TTC24: variants seen among roughly 807,000 people sequenced by gnomAD.
The protein encoded by TTC24 is tetratricopeptide repeat domain 24, also known as tetratricopeptide repeat protein 24.
In TTC24, 54 loss-of-function variants were observed where a neutral mutation model predicts 63.3. The observed-to-expected ratio is 0.85, with a 90% CI of 0.69 to 1.07. The LOEUF (loss-of-function observed/expected upper bound fraction) is 1.07. Ranked by LOEUF, TTC24 falls within the 50% of genes least tolerant of loss-of-function variation. The pLI is 0.00. For missense variants in TTC24, 680 were observed against 730.5 expected (o/e 0.93, Z 0.80); for synonymous variants, 276 against 304.3 (o/e 0.91, Z 0.97).
At chr1:156,586,113 G>A in intron 10 of TTC24, 68 bp downstream of exon 10, 1 of 1,162,978 alleles carries the variant, frequency 8.6e-7, no homozygotes, top group South Asian at 1.3e-5. Context: ...GGCTTGGGAT[G>A]ATTTTAATGA....
intron 8 of TTC24, chr1:156,585,477 C>T: frequency 1.7e-6 from 1 of 603,422 alleles, no homozygotes; most frequent in South Asian, 2.0e-5. Context: ...TCCCTGAACC[C>T]TTCTAGAACT....
At chr1:156,582,816 AC>A (rs1424753838) in intron 3 of TTC24, among the ~76,000 whole-genome samples, 1 of 152,170 alleles carries the variant, frequency 6.6e-6, no homozygotes, top group African/African-American at 2.4e-5. Context: ...TGCCTGCATC[AC>A]AGGGTTGTTG....
rs186480216 is a variant in TTC24, at chr1:156,580,875, G to A, written c.-4-486G>A. 7.2e-5 allele frequency among the ~76,000 whole-genome samples: 11 copies of A among 152,340 alleles called. No individual in the cohort carries two copies. In the East Asian group the frequency reaches 1.7e-3, roughly 24 times the overall value. On this transcript the variant is annotated intron_variant, in intron 1 of 10. Coordinates refer to ENST00000368236, the MANE Select transcript of TTC24 (RefSeq NM_001105669.4). ...AAAATGTGCAGTTCAGTGGCATTAA[G>A]TACACTCACATTATTGTGCAATTAA... is the stretch of plus-strand genomic sequence containing the variant.
chr1:156,583,874 G>A lies in TTC24; in HGVS notation c.1230G>A (p.Gly410=). ...DTVRTRLAQV[G]LVQTHTLTSA... ...TGAGGACGCGCTTGGCCCAGGTGGG[G>A]CTGGTCCAGACTCACACCCTGGTGA... is the stretch of plus-strand genomic sequence containing the variant. The change falls in exon 6 of 11, where the codon GGG becomes GGA. Residue 410 remains glycine (G), a synonymous_variant. Transcript: ENST00000368236. The surrounding 1 kb of genome is among the most constrained non-coding windows in gnomAD (Gnocchi z 4.0). 2 of 1,582,538 alleles carry A rather than the reference G, an allele frequency of 1.3e-6. No homozygotes were observed. Among genetic ancestry groups the A allele is most frequent in the Non-Finnish European group, 1.7e-6 (2 of 1,164,942 alleles).
chr1:156,586,084 C>A (rs544846134), intron 10 of TTC24, 39 bp downstream of exon 10: 3 of 1,356,088 alleles, frequency 2.2e-6, no homozygotes, highest in East Asian at 2.5e-5. Context: ...TGGAGAATAG[C>A]AAAAAAAGTA....
chr1:156,581,125 T>C (rs1676979032), intron 1 of TTC24, among the ~76,000 whole-genome samples: 1 of 152,218 alleles, frequency 6.6e-6, no homozygotes. Flanking sequence ...CGTTCTGAAG[T>C]AAGCTGTTAC....
chr1:156,580,218 C>T (rs1242125741), intron 1 of TTC24, among the ~76,000 whole-genome samples: 1 of 152,158 alleles, frequency 6.6e-6, no homozygotes, highest in Non-Finnish European at 1.5e-5. Context: ...TCCCACACCA[C>T]ACTCCTTTTC....
Position 156,582,082 on chromosome 1 carries a change from G to C in TTC24, c.706+12G>C. 2 of 1,464,128 alleles carry C rather than the reference G, an allele frequency of 1.4e-6. No homozygotes were observed. Among genetic ancestry groups the C allele is most frequent in the Non-Finnish European group, 1.8e-6 (2 of 1,106,964 alleles). 90.7% of individuals were successfully genotyped at this position (1,464,128 alleles called of 1,614,324 possible). Reference sequence around the variant, plus strand: ...GAGGCGACTGCTGGGTGAGACCTTCGGGCAGGGAAGGCATGGGATCTGGGG... The same window carrying C: ...GAGGCGACTGCTGGGTGAGACCTTCCGGCAGGGAAGGCATGGGATCTGGGG... On this transcript the variant is annotated intron_variant, in intron 2 of 10. Coordinates refer to ENST00000368236, the MANE Select transcript of TTC24 (RefSeq NM_001105669.4).
At chr1:156,580,286 T>G (rs925394341) in intron 1 of TTC24, among the ~76,000 whole-genome samples, 2 of 152,128 alleles carry the variant, frequency 1.3e-5, no homozygotes, top group Non-Finnish European at 2.9e-5. Context: ...CTCCTCACCC[T>G]AGGGTCCCCA....
chr1:156,583,776 T>C lies in TTC24; in HGVS notation c.1153-21T>C. On this transcript the variant is annotated intron_variant, in intron 5 of 10. Coordinates refer to ENST00000368236, the MANE Select transcript of TTC24 (RefSeq NM_001105669.4). The surrounding 1 kb of genome is among the most constrained non-coding windows in gnomAD (Gnocchi z 4.0). ...AAGGTCCAGGCATTCCCCATTACCC[T>C]ATTATCCACCCTCTTCCCAGAAGGA... The C allele has an allele frequency of 6.6e-7, 1 of 1,505,042 alleles. No homozygotes were observed. The highest frequency in any genetic ancestry group is 1.4e-5 in the African/African-American group (1 of 70,014). 93.2% of individuals were successfully genotyped at this position (1,505,042 alleles called of 1,614,324 possible). A position where few individuals can be genotyped will look rare whatever the true frequency, so the allele number is the denominator to read the frequency against.
Position 156,583,160 on chromosome 1 carries a change from C to G in TTC24, c.1029C>G (p.Ala343=). ...RDNYLHALQA[A]RDSGDMKGQW... is the part of the protein sequence containing the mutation. Reference sequence around the variant, plus strand: ...ACTACCTGCATGCCCTGCAGGCTGCCCGGGACTCTGGTAAGCGTGAGAGGG... The same window carrying G: ...ACTACCTGCATGCCCTGCAGGCTGCGCGGGACTCTGGTAAGCGTGAGAGGG... Residue 343 remains alanine (A), a synonymous_variant, in exon 4 of 11, where the codon GCC becomes GCG. Coordinates refer to ENST00000368236, the MANE Select transcript of TTC24 (RefSeq NM_001105669.4). The surrounding 1 kb of genome is among the most constrained non-coding windows in gnomAD (Gnocchi z 4.0). The G allele has an allele frequency of 1.2e-6, 2 of 1,612,216 alleles. No homozygotes were observed. The highest frequency in any genetic ancestry group is 1.7e-6 in the Non-Finnish European group (2 of 1,179,108).
chr1:156,587,473 T>G lies in TTC24; in HGVS notation c.*923T>G, dbSNP rs1677207006. ...TTGCTTACCCAGAGTCCATTGTGAT[T>G]TAATATCAAGTGTGTCTATGCCCGT... is the stretch of plus-strand genomic sequence containing the variant. On this transcript the variant is annotated 3_prime_UTR_variant, in exon 11 of 11. Transcript: ENST00000368236. Among the ~76,000 whole-genome samples, 1 of 152,176 alleles carries G rather than the reference T, an allele frequency of 6.6e-6. No individual in the cohort carries two copies. Among genetic ancestry groups the G allele is most frequent in the Non-Finnish European group, 1.5e-5 (1 of 68,022 alleles).
rs1571383966 is a variant in TTC24, at chr1:156,583,262, T to G, written c.1040-76T>G. 1 of 1,605,426 alleles carries G rather than the reference T, an allele frequency of 6.2e-7. No homozygotes were observed. Among genetic ancestry groups the G allele is most frequent in the Non-Finnish European group, 8.5e-7 (1 of 1,176,404 alleles). Reference sequence around the variant, plus strand: ...GGAGGCAGATGGGGGGAACTGAGGGTAGGGAGTGCCTCTGAGGGGGTGGAT... The same window carrying G: ...GGAGGCAGATGGGGGGAACTGAGGGGAGGGAGTGCCTCTGAGGGGGTGGAT... On this transcript the variant is annotated intron_variant, in intron 4 of 10. Coordinates refer to ENST00000368236, the MANE Select transcript of TTC24 (RefSeq NM_001105669.4). This position sits in a 1 kb window ranked among gnomAD's most constrained non-coding sequence, Gnocchi z 4.0.
In TTC24 at chr1:156,581,627, C is replaced by T; in HGVS notation, c.263C>T (p.Ala88Val). Residue 88 changes from alanine (A) to valine (V), a missense_variant, in exon 2 of 11, where the codon GCC becomes GTC. Physicochemically the swap from Ala to Val is moderately conservative, Grantham distance 64. Coordinates refer to ENST00000368236, the MANE Select transcript of TTC24 (RefSeq NM_001105669.4). The stretch of plus-strand genomic sequence containing the variant: ...GCCTGCGCCTTCAACCTGGGGGCTG[C>T]CTATGTGGAGACTGGGGACCCAGCC... ...LQACAFNLGAAYVETGDPARG... is the reference protein window; with the variant it reads ...LQACAFNLGAVYVETGDPARG... 1 of 1,551,754 alleles carries T rather than the reference C, an allele frequency of 6.4e-7. No individual in the cohort carries two copies. The highest frequency in any genetic ancestry group is 1.2e-5 in the South Asian group (1 of 84,068).
At position 156,585,125 on chromosome 1, in the gene TTC24, A is replaced by G; in HGVS notation, c.1350A>G (p.Arg450=). 1 of 1,610,138 alleles carries G rather than the reference A, an allele frequency of 6.2e-7. No homozygotes were observed. The highest frequency in any genetic ancestry group is 1.1e-5 in the South Asian group (1 of 90,488). ...GTGCCCTGGTTCCTTGCCCCTACAGATCTTCCAGTGGGTGGGAAGATGAAG... is the reference window on the plus strand; with the variant it reads ...GTGCCCTGGTTCCTTGCCCCTACAGGTCTTCCAGTGGGTGGGAAGATGAAG... ...AGSSTAGVQH[R]SSSGWEDEEF... The change falls in exon 8 of 11, where the codon AGA becomes AGG. Residue 450 remains arginine, a splice_region_variant and synonymous_variant. Transcript: ENST00000368236.
Position 156,585,138 on chromosome 1 carries a change from T to A in TTC24, c.1363T>A (p.Trp455Arg). 2 of 1,611,612 alleles carry A rather than the reference T, an allele frequency of 1.2e-6. No individual in the cohort carries two copies. Among genetic ancestry groups the A allele is most frequent in the Non-Finnish European group, 1.7e-6 (2 of 1,178,748 alleles). ...AGVQHRSSSG[W>R]EDEEFEEGHQ... Reference sequence around the variant, plus strand: ...TTGCCCCTACAGATCTTCCAGTGGGTGGGAAGATGAAGAGTTTGAGGAGGG... The same window carrying A: ...TTGCCCCTACAGATCTTCCAGTGGGAGGGAAGATGAAGAGTTTGAGGAGGG... Residue 455 changes from tryptophan (W) to arginine (R), a missense_variant, in exon 8 of 11, where the codon TGG becomes AGG. Trp to Arg is a moderately radical substitution (Grantham distance 101). Transcript: ENST00000368236.
Position 156,581,999 on chromosome 1 carries a change from T to G in TTC24, c.635T>G (p.Val212Gly). ...GCMLKSGRHR[V>G]GEVVQVLEKS... ...ATGCTGAAGAGTGGGCGGCATCGGG[T>G]GGGGGAAGTTGTGCAGGTGCTGGAG... is the stretch of plus-strand genomic sequence containing the variant. Residue 212 changes from valine to glycine, a missense_variant, in exon 2 of 11, where the codon GTG becomes GGG. Val to Gly is a moderately radical substitution (Grantham distance 109, BLOSUM62 -3). Coordinates refer to ENST00000368236, the MANE Select transcript of TTC24 (RefSeq NM_001105669.4). 1 of 1,482,880 alleles carries G rather than the reference T, an allele frequency of 6.7e-7. No individual in the cohort carries two copies. The highest frequency in any genetic ancestry group is 8.9e-7 in the Non-Finnish European group (1 of 1,117,612). 91.9% of individuals were successfully genotyped at this position (1,482,880 alleles called of 1,614,324 possible).
rs1005676305 is a variant in TTC24, at chr1:156,583,234, C to A, written c.1039+64C>A. ...GGAGGCTGAGGGTCCTAGGGGCTGGCGGGGAGGCAGATGGGGGGAACTGAG... is the reference window on the plus strand; with the variant it reads ...GGAGGCTGAGGGTCCTAGGGGCTGGAGGGGAGGCAGATGGGGGGAACTGAG... On this transcript the variant is annotated intron_variant, in intron 4 of 10. Coordinates refer to ENST00000368236, the MANE Select transcript of TTC24 (RefSeq NM_001105669.4). This position sits in a 1 kb window ranked among gnomAD's most constrained non-coding sequence, Gnocchi z 4.0. The A allele has an allele frequency of 1.3e-6, 2 of 1,484,594 alleles. No individual in the cohort carries two copies. Among genetic ancestry groups the A allele is most frequent in the African/African-American group, 1.7e-5 (1 of 60,404 alleles). 92.0% of individuals were successfully genotyped at this position (1,484,594 alleles called of 1,614,324 possible).
At chr1:156,580,958 C>T (rs1348499028) in intron 1 of TTC24, among the ~76,000 whole-genome samples, 2 of 152,200 alleles carry the variant, frequency 1.3e-5, no homozygotes, top group Non-Finnish European at 2.9e-5. Context: ...TATTGAGAAT[C>T]TACTGTGTGC....
Sources: allele counts gnomAD v4.1 joint callset (sites outside exome capture counted in the v4.1 genomes callset), GRCh38; gene constraint gnomAD v4.1.1; non-coding constraint Gnocchi (gnomAD v3.1); transcripts MANE v1.5; gene names NCBI Gene and HGNC (gene_info 2026-07-23, HGNC 2026-07-21).